Variants in MPP7 observed in about 807,000 individuals in gnomAD.
MPP7 encodes the protein MAGUK p55 subfamily member 7.
MPP7 carries 60 observed loss-of-function variants against 76.5 expected under a neutral mutation model. The ratio of observed to expected loss-of-function variants is 0.78; its 90% CI spans 0.64 to 0.97. The LOEUF is 0.97. Ranked by LOEUF, MPP7 falls within the 50% of genes least tolerant of loss-of-function variation. MPP7 has a pLI of 0.00. For missense variants in MPP7, 641 were observed against 694.0 expected, an observed-to-expected ratio of 0.92 and a Z score of 0.86; for synonymous variants, 237 against 244.5, an observed-to-expected ratio of 0.97 and a Z score of 0.29.
intron 14 of MPP7, 40 bp downstream of exon 14, chr10:28,059,610 A>T: frequency 4.3e-6 from 6 of 1,391,200 alleles, no homozygotes; most frequent in Non-Finnish European, 6.1e-6. Context: ...TGTGCTTATA[A>T]AAAACAGTCA....
intron 1 of MPP7, among the ~76,000 whole-genome samples, chr10:28,300,912 C>A (rs1481389088): frequency 6.7e-6 from 1 of 150,214 alleles, no homozygotes; most frequent in Non-Finnish European, 1.5e-5. Context: ...TGAGCCACAG[C>A]ACTCCAGCCT....
intron 2 of MPP7, among the ~76,000 whole-genome samples, chr10:28,322,446 A>T (rs757495840): frequency 8.5e-5 from 13 of 152,174 alleles, no homozygotes; most frequent in South Asian, 4.1e-4. Context: ...TGCACAAAAA[A>T]CTTTGAAAAA....
chr10:28,053,286 A>G lies in MPP7; in HGVS notation c.*779T>C, dbSNP rs1323865556. 6.6e-6 allele frequency: 1 copy of G among 152,208 alleles called. No individual in the cohort carries two copies. The highest frequency in any genetic ancestry group is 1.5e-5 in the Non-Finnish European group (1 of 68,032). 9.4% of individuals were successfully genotyped at this position (152,208 alleles called of 1,614,324 possible). On this transcript the variant is annotated 3_prime_UTR_variant, in exon 17 of 17. Coordinates refer to ENST00000683449, the MANE Select transcript of MPP7 (RefSeq NM_001318170.2). ...ATAAATTGTCTTCTGAGGAATTACAAATAAAAATATCCTTTGTAATCATTT... is the reference window on the plus strand; with the variant it reads ...ATAAATTGTCTTCTGAGGAATTACAGATAAAAATATCCTTTGTAATCATTT...
chr10:28,147,326 T>C (rs17684826), intron 5 of MPP7, among the ~76,000 whole-genome samples, 157 bp downstream of exon 5: 4,224 of 152,290 alleles, frequency 0.028, 88 homozygotes, highest in Middle Eastern at 0.058. Context: ...AATCAAAAGC[T>C]CGCCTCTTTC....
intron 1 of MPP7, among the ~76,000 whole-genome samples, chr10:28,240,362 A>G (rs992317742): frequency 6.6e-6 from 1 of 152,162 alleles, no homozygotes; most frequent in Admixed American, 6.5e-5. Flanking sequence ...AAACTGTAAG[A>G]TTCTATTAAA....
At chr10:28,108,665 A>C (rs967270286) in intron 11 of MPP7, among the ~76,000 whole-genome samples, 21 of 117,094 alleles carry the variant, frequency 1.8e-4, no homozygotes, top group African/African-American at 8.9e-4. Context: ...TCAAATAATA[A>C]AATAAAATAA....
intron 5 of MPP7, among the ~76,000 whole-genome samples, chr10:28,138,900 C>T (rs1835426919): frequency 3.3e-5 from 5 of 152,134 alleles, no homozygotes. Context: ...TACTGGGAAT[C>T]CCAATGTTGC....
At chr10:28,234,781 T>C (rs1219037860) in intron 2 of MPP7, among the ~76,000 whole-genome samples, 3 of 149,370 alleles carry the variant, frequency 2.0e-5, no homozygotes, top group African/African-American at 7.5e-5. Context: ...AAGGAAAGTC[T>C]TTTGGATTTT....
At chr10:28,312,457 T>A (rs1463397791) in intron 2 of MPP7, among the ~76,000 whole-genome samples, 1 of 152,174 alleles carries the variant, frequency 6.6e-6, no homozygotes, top group Non-Finnish European at 1.5e-5. Flanking sequence ...ACAATCCTCC[T>A]GTAAGACAAA....
rs746222473 is a variant in MPP7 at position 28,202,162 on chromosome 10, T to C, written c.147A>G (p.Ser49=). 1.9e-6 allele frequency: 3 copies of C among 1,610,266 alleles called. No individual in the cohort carries two copies. The highest frequency in any genetic ancestry group is 2.2e-5 in the East Asian group (1 of 44,868). The change falls in exon 3 of 17, where the codon TCA becomes TCG. Residue 49 remains serine (S), a synonymous_variant. Transcript: ENST00000683449. The part of the protein sequence containing the change: ...WDMFGEKSLH[S]LVKIHEKLHY... The stretch of plus-strand genomic sequence containing the variant: ...CATCAGCATGGTTTACCTTTACCAA[T>C]GAATGCAGGCTTTTTTCACCAAACA...
intron 1 of MPP7, among the ~76,000 whole-genome samples, chr10:28,249,766 C>T (rs981871529): frequency 5.3e-5 from 8 of 152,264 alleles, no homozygotes; most frequent in African/African-American, 1.9e-4. Context: ...CTGACCTGGG[C>T]TTCTGATATG....
rs374117925 is a variant in MPP7 at position 28,089,709 on chromosome 10, C to T, written c.1085G>A (p.Arg362Gln). ...GAGTCTGTATTTTTCATTAGTTTGT[C>T]GCCGATACGGTGTCACTTCTTCGTA... is the stretch of plus-strand genomic sequence containing the variant. Reference protein sequence around the residue: ...PTYEEVTPYRRQTNEKYRLVV... With the variant: ...PTYEEVTPYRQQTNEKYRLVV... Residue 362 changes from arginine to glutamine, a missense_variant, in exon 12 of 17, where the codon CGA becomes CAA. Transcript: ENST00000683449. 2.0e-5 allele frequency: 33 copies of T among 1,613,546 alleles called. No individual in the cohort carries two copies. The highest frequency in any genetic ancestry group is 2.7e-5 in the African/African-American group (2 of 74,888).
At chr10:28,331,632 T>G (rs1834470651) in intron 1 of MPP7, among the ~76,000 whole-genome samples, 1 of 152,166 alleles carries the variant, frequency 6.6e-6, no homozygotes, top group African/African-American at 2.4e-5. Context: ...TGGAGTGCAG[T>G]GGCATAATCT....
chr10:28,253,302 G>A lies in MPP7; in HGVS notation c.-131-14567C>T, dbSNP rs78511095. Among the ~76,000 whole-genome samples the A allele has an allele frequency of 3.9e-5, 6 of 152,182 alleles. No homozygotes were observed. The East Asian group carries it at 5.8e-4, about 15-fold the overall frequency. ...TACTGAAATGCCAAGTAGAGTTGCC[G>A]GCCAAATATGAGCTGGGGAGTTTAA... On this transcript the variant is annotated intron_variant, in intron 1 of 16. Transcript: ENST00000683449.
At chr10:28,303,774 G>A (rs1270773024), upstream of MPP7, among the ~76,000 whole-genome samples, 3 of 152,138 alleles carry the variant, frequency 2.0e-5, no homozygotes, top group African/African-American at 7.2e-5. Context: ...CAGTAAACAT[G>A]CTTAATATCT....
intron 11 of MPP7, among the ~76,000 whole-genome samples, chr10:28,103,461 G>C (rs374606780): frequency 6.2e-4 from 95 of 152,282 alleles, no homozygotes; most frequent in African/African-American, 2.2e-3. Flanking sequence ...TTCCCAACAA[G>C]CTCACTTCAG....
At chr10:28,146,384 A>G (rs1308773009) in intron 5 of MPP7, among the ~76,000 whole-genome samples, 3 of 145,866 alleles carry the variant, frequency 2.1e-5, no homozygotes, top group African/African-American at 7.6e-5. Context: ...TAGTCCACGC[A>G]TGTTTTTTTT....
intron 1 of MPP7, among the ~76,000 whole-genome samples, chr10:28,258,689 C>T (rs2085470): frequency 0.031 from 4,720 of 151,914 alleles, 118 homozygotes; most frequent in South Asian, 0.052. Context: ...CTTGAGCCAC[C>T]GCGCCTGGCC....
chr10:28,139,652 A>C (rs991631291), intron 5 of MPP7, among the ~76,000 whole-genome samples: 10 of 152,180 alleles, frequency 6.6e-5, no homozygotes, highest in Non-Finnish European at 4.4e-5. Context: ...AGGGCTTCAC[A>C]ATGATTAAAG....
Sources: gnomAD v4.1 joint callset for allele counts (sites outside exome capture counted in the v4.1 genomes callset) on GRCh38, gnomAD v4.1.1 for gene constraint, MANE v1.5 for transcripts, NCBI Gene and HGNC (gene_info 2026-07-23, HGNC 2026-07-21) for gene names.